TRAPPC9: variants seen among roughly 807,000 people sequenced by gnomAD.
The protein encoded by TRAPPC9 is trafficking protein particle complex subunit 9, also known as IKK2 binding protein.
Under a neutral mutation model 124.0 loss-of-function variants are expected in TRAPPC9, and 83 were observed. That is an observed-to-expected ratio of 0.67 (90% confidence interval 0.56 to 0.80). The LOEUF (loss-of-function observed/expected upper bound fraction) is 0.80. Among genes scored for constraint, TRAPPC9 ranks in the 30% least tolerant of loss-of-function variants. TRAPPC9 has a pLI of 0.00. For synonymous variants in TRAPPC9, 638 were observed against 617.5 expected (o/e 1.03, Z -0.49); for missense variants, 1,302 against 1,508.3 (o/e 0.86, Z 2.27).
intron 18 of TRAPPC9, among the ~76,000 whole-genome samples, chr8:140,021,128 G>C (rs1162375987): frequency 6.6e-6 from 1 of 152,172 alleles, no homozygotes; most frequent in Non-Finnish European, 1.5e-5. Context: ...GTAGATTTGA[G>C]TCCTACACAT....
intron 17 of TRAPPC9, among the ~76,000 whole-genome samples, chr8:140,046,184 G>A (rs1054412930): frequency 1.7e-5 from 2 of 120,418 alleles, no homozygotes; most frequent in East Asian, 3.9e-4. Context: ...CCGCTCTCCG[G>A]TGGTGCTTGG....
chr8:140,183,529 TA>T (rs1273676236), intron 17 of TRAPPC9, among the ~76,000 whole-genome samples: 2 of 152,142 alleles, frequency 1.3e-5, no homozygotes, highest in African/African-American at 4.8e-5. Context: ...CATTAGCTAG[TA>T]AACAGTCCTG....
intron 19 of TRAPPC9, among the ~76,000 whole-genome samples, chr8:139,978,184 C>T (rs563049680): frequency 6.0e-4 from 91 of 152,264 alleles, no homozygotes; most frequent in African/African-American, 2.0e-3. Flanking sequence ...GGCTGAGGAA[C>T]AAGTTTAAGA....
intron 17 of TRAPPC9, among the ~76,000 whole-genome samples, chr8:140,120,646 CCATCCATT>C (rs1186739361): frequency 6.8e-6 from 1 of 147,746 alleles, no homozygotes; most frequent in Non-Finnish European, 1.5e-5. Flanking sequence ...ATCCATCCAT[CCATCCATT>C]CATCCATCCA....
chr8:140,370,002 TGG>T (rs1213523613), intron 8 of TRAPPC9, among the ~76,000 whole-genome samples: 1 of 152,136 alleles, frequency 6.6e-6, no homozygotes, highest in East Asian at 1.9e-4. Flanking sequence ...ATTTTTGCCC[TGG>T]TGGGAAATTA....
At chr8:139,898,427 C>A (rs1245531629) in intron 20 of TRAPPC9, among the ~76,000 whole-genome samples, 1 of 152,076 alleles carries the variant, frequency 6.6e-6, no homozygotes, top group Non-Finnish European at 1.5e-5. Context: ...TGATTTTTTC[C>A]AGGGATGATG....
intron 16 of TRAPPC9, among the ~76,000 whole-genome samples, chr8:140,227,727 A>G (rs1403734200): frequency 6.6e-6 from 1 of 152,262 alleles, no homozygotes; most frequent in African/African-American, 2.4e-5. Flanking sequence ...GGTGAGGGCC[A>G]AGGGCCACGT....
At chr8:139,751,677 A>C (rs1250056269) in intron 21 of TRAPPC9, among the ~76,000 whole-genome samples, 1 of 152,040 alleles carries the variant, frequency 6.6e-6, no homozygotes, top group East Asian at 1.9e-4. Flanking sequence ...TCTAGACTAC[A>C]TGTCATCCAC....
At chr8:139,786,401 G>A (rs1208837722) in intron 21 of TRAPPC9, among the ~76,000 whole-genome samples, 1 of 152,034 alleles carries the variant, frequency 6.6e-6, no homozygotes. Context: ...GAAAATGACC[G>A]ACCACATCAA....
chr8:140,266,450 G>A (rs2064657427), intron 15 of TRAPPC9, among the ~76,000 whole-genome samples: 1 of 147,950 alleles, frequency 6.8e-6, no homozygotes, highest in African/African-American at 2.5e-5. Context: ...GCGACAGAGT[G>A]AGACTCTGTC....
intron 9 of TRAPPC9, among the ~76,000 whole-genome samples, chr8:140,330,396 C>G (rs1358091663): frequency 2.6e-5 from 4 of 152,126 alleles, no homozygotes; most frequent in Non-Finnish European, 5.9e-5. Flanking sequence ...CAAGGCATTT[C>G]CTTAACAGAG....
At chr8:139,986,520 C>T (rs1314650522) in intron 19 of TRAPPC9, among the ~76,000 whole-genome samples, 1 of 152,126 alleles carries the variant, frequency 6.6e-6, no homozygotes, top group Non-Finnish European at 1.5e-5. Flanking sequence ...CCCCCATATG[C>T]CCATTAAGAG....
chr8:140,345,014 G>T (rs1218189864), intron 9 of TRAPPC9, among the ~76,000 whole-genome samples: 2 of 152,264 alleles, frequency 1.3e-5, no homozygotes, highest in African/African-American at 4.8e-5. Context: ...CCAAGCAGTG[G>T]GGCGGGCAGG....
chr8:139,975,444 C>T (rs143140043), intron 19 of TRAPPC9, among the ~76,000 whole-genome samples: 14 of 152,296 alleles, frequency 9.2e-5, no homozygotes, highest in Non-Finnish European at 1.3e-4. Context: ...GGCCTGGGTC[C>T]GCACTTTGAG....
chr8:140,371,727 G>C (rs879655052), intron 7 of TRAPPC9, among the ~76,000 whole-genome samples: 18 of 151,256 alleles, frequency 1.2e-4, no homozygotes, highest in African/African-American at 4.4e-4. Flanking sequence ...TTTTTGAGAC[G>C]GAGTCTCACT....
intron 9 of TRAPPC9, among the ~76,000 whole-genome samples, chr8:140,317,051 T>C (rs2066461512): frequency 1.3e-5 from 2 of 152,326 alleles, no homozygotes; most frequent in Admixed American, 1.3e-4. Flanking sequence ...TGTTTCTGTG[T>C]TATCAGTTGT....
chr8:140,112,120 C>T (rs1415570177), intron 17 of TRAPPC9, among the ~76,000 whole-genome samples: 6 of 152,256 alleles, frequency 3.9e-5, no homozygotes, highest in Non-Finnish European at 4.4e-5. Flanking sequence ...AGCTTTGGCT[C>T]GCCTTGCCTT....
At chr8:140,337,925 G>A (rs1345969742) in intron 9 of TRAPPC9, among the ~76,000 whole-genome samples, 1 of 152,154 alleles carries the variant, frequency 6.6e-6, no homozygotes, top group Non-Finnish European at 1.5e-5. Context: ...GACCCCAGTG[G>A]ACTGAGCAGA....
intron 15 of TRAPPC9, among the ~76,000 whole-genome samples, chr8:140,261,662 C>A (rs1253944465): frequency 6.6e-6 from 1 of 152,170 alleles, no homozygotes; most frequent in Non-Finnish European, 1.5e-5. Context: ...GAGTGTACAA[C>A]TAAATTCAAA....
Sources: gnomAD v4.1 joint callset for allele counts (sites outside exome capture counted in the v4.1 genomes callset) on GRCh38, gnomAD v4.1.1 for gene constraint, MANE v1.5 for transcripts, NCBI Gene and HGNC (gene_info 2026-07-23, HGNC 2026-07-21) for gene names.